Variants in ZC3H12B observed in about 807,000 individuals in gnomAD.
ZC3H12B encodes zinc finger CCCH-type containing 12B.
A neutral mutation model predicts 43.9 loss-of-function variants in ZC3H12B; 7 were observed. The observed-to-expected ratio is 0.16, with a 90% CI of 0.09 to 0.30. The LOEUF is 0.30. Ranked by LOEUF, ZC3H12B falls within the 10% of genes least tolerant of loss-of-function variation. ZC3H12B has a pLI of 1.00. For synonymous variants in ZC3H12B, 222 were observed against 241.7 expected (o/e 0.92, Z 0.76); for missense variants, 475 against 670.2 (o/e 0.71, Z 3.22).
At chrX:65,452,627 G>A (rs2067532400) in intron 3 of ZC3H12B, among the ~76,000 whole-genome samples, 1 of 111,459 alleles carries the variant, frequency 9.0e-6, no homozygotes, top group South Asian at 3.8e-4. Flanking sequence ...GATCAACTGA[G>A]GTCAGGAATT....
At chrX:65,444,926 T>C (rs760930968) in intron 3 of ZC3H12B, among the ~76,000 whole-genome samples, 2 of 112,214 alleles carry the variant, frequency 1.8e-5, no homozygotes, top group Non-Finnish European at 3.8e-5. Flanking sequence ...TGACTGTGTA[T>C]ACTCAAATAG....
the ZC3H12B span, among the ~76,000 whole-genome samples, chrX:65,174,950 A>C: frequency 1.8e-5 from 2 of 111,098 alleles, no homozygotes; most frequent in Admixed American, 9.6e-5. Context: ...AAAAAAAAAA[A>C]ACTCCTGCAC....
chrX:65,198,255 G>C, the ZC3H12B span, among the ~76,000 whole-genome samples: 122 of 112,145 alleles, frequency 1.1e-3, no homozygotes, highest in African/African-American at 3.9e-3. Context: ...TCCGACTCAA[G>C]ACATGAATAG....
At chrX:65,284,293 C>T in the ZC3H12B span, among the ~76,000 whole-genome samples, 1 of 107,065 alleles carries the variant, frequency 9.3e-6, no homozygotes, top group Non-Finnish European at 1.9e-5. Context: ...AATATGAAAC[C>T]TTTCCAAGAA....
At chrX:65,485,013 T>C (rs1296567747), upstream of ZC3H12B, among the ~76,000 whole-genome samples, 2 of 112,246 alleles carry the variant, frequency 1.8e-5, no homozygotes, top group Non-Finnish European at 3.8e-5. Context: ...CATATGTTTC[T>C]CTGCTTTTTT....
the ZC3H12B span, among the ~76,000 whole-genome samples, chrX:65,347,421 C>T: frequency 9.0e-6 from 1 of 111,603 alleles, no homozygotes; most frequent in Non-Finnish European, 1.9e-5. Flanking sequence ...AAAAAGTGGG[C>T]AAAGGATATG....
At chrX:65,250,584 C>A in the ZC3H12B span, among the ~76,000 whole-genome samples, 9 of 111,847 alleles carry the variant, frequency 8.0e-5, no homozygotes, top group African/African-American at 2.9e-4. Flanking sequence ...TTCTCCACAT[C>A]CTCTCCAGCA....
At chrX:65,317,279 A>G in the ZC3H12B span, among the ~76,000 whole-genome samples, 1 of 110,576 alleles carries the variant, frequency 9.0e-6, no homozygotes, top group Non-Finnish European at 1.9e-5. Context: ...AAATCATAGC[A>G]ACCACGGTCT....
chrX:65,067,604 C>A, the ZC3H12B span, among the ~76,000 whole-genome samples: 4 of 111,551 alleles, frequency 3.6e-5, no homozygotes, highest in African/African-American at 1.3e-4. Flanking sequence ...TTGCCAGATC[C>A]CATTTCTGAT....
chrX:65,215,552 G>C, the ZC3H12B span, among the ~76,000 whole-genome samples: 3 of 110,798 alleles, frequency 2.7e-5, no homozygotes, highest in Non-Finnish European at 5.7e-5. Context: ...GCCTTGCCCT[G>C]TATTGGGTTT....
chrX:65,057,523 C>G, the ZC3H12B span, among the ~76,000 whole-genome samples: 1 of 111,538 alleles, frequency 9.0e-6, no homozygotes, highest in African/African-American at 3.3e-5. Context: ...ACATTTTTAC[C>G]TTCATTTCAA....
the ZC3H12B span, among the ~76,000 whole-genome samples, chrX:65,138,595 C>T: frequency 8.9e-6 from 1 of 111,859 alleles, no homozygotes; most frequent in African/African-American, 3.2e-5. Flanking sequence ...ATTTTATTCA[C>T]ATATACCCAG....
chrX:65,456,262 A>G (rs954495154), intron 3 of ZC3H12B, among the ~76,000 whole-genome samples: 2 of 111,648 alleles, frequency 1.8e-5, no homozygotes, highest in African/African-American at 6.5e-5. Flanking sequence ...ACATAGGCTC[A>G]AAATAAAGGG....
intron 3 of ZC3H12B, among the ~76,000 whole-genome samples, chrX:65,408,889 T>G (rs1344457904): frequency 8.9e-6 from 1 of 111,957 alleles, no homozygotes; most frequent in Non-Finnish European, 1.9e-5. Flanking sequence ...CATCTTGACA[T>G]CTTGGCAACT....
the ZC3H12B span, among the ~76,000 whole-genome samples, chrX:65,100,250 C>G: frequency 9.1e-6 from 1 of 110,379 alleles, no homozygotes. Context: ...AAGACCAAAC[C>G]TATGATTGAT....
chrX:65,308,243 C>T, the ZC3H12B span, among the ~76,000 whole-genome samples: 1 of 109,397 alleles, frequency 9.1e-6, no homozygotes, highest in African/African-American at 3.3e-5. Flanking sequence ...CCCTCAAAAC[C>T]ATAAAAATAT....
the ZC3H12B span, among the ~76,000 whole-genome samples, chrX:65,191,545 G>A: frequency 9.8e-6 from 1 of 101,773 alleles, no homozygotes; most frequent in East Asian, 2.8e-4. Context: ...TATGTGTCGA[G>A]TAATTTATCC....
chrX:65,098,407 TGATAGGG>T, the ZC3H12B span, among the ~76,000 whole-genome samples: 1 of 111,077 alleles, frequency 9.0e-6, no homozygotes, highest in Non-Finnish European at 1.9e-5. Context: ...GGAGACTGAC[TGATAGGG>T]GATAAAGAGA....
chrX:65,074,060 T>G, the ZC3H12B span, among the ~76,000 whole-genome samples: 1 of 112,117 alleles, frequency 8.9e-6, no homozygotes, highest in Non-Finnish European at 1.9e-5. Flanking sequence ...GTCTATATGT[T>G]TACTTTTAGC....
Sources: allele counts gnomAD v4.1 joint callset (sites outside exome capture counted in the v4.1 genomes callset), GRCh38; gene constraint gnomAD v4.1.1; transcripts MANE v1.5; gene names NCBI Gene and HGNC (gene_info 2026-07-23, HGNC 2026-07-21).